Variants in UBE2D3 observed in about 807,000 individuals in gnomAD.
The protein encoded by UBE2D3 is ubiquitin-conjugating enzyme E2 D3.
UBE2D3 carries 2 observed loss-of-function variants against 22.8 expected under a neutral mutation model. That is an observed-to-expected ratio of 0.09 (90% CI 0.04 to 0.28). UBE2D3 has a LOEUF of 0.28. Ranked by LOEUF, UBE2D3 falls within the 10% of genes least tolerant of loss-of-function variation. The probability of loss-of-function intolerance (pLI) is 1.00; values close to 1 mark genes in which losing one functional copy is unlikely to be tolerated. For missense variants in UBE2D3, 27 were observed against 182.5 expected (o/e 0.15, Z 4.91); for synonymous variants, 56 against 60.4 (o/e 0.93, Z 0.34).
chr4:102,836,335 C>CG (rs1267038677), intron 1 of UBE2D3, among the ~76,000 whole-genome samples: 1 of 151,572 alleles, frequency 6.6e-6, no homozygotes, highest in Non-Finnish European at 1.5e-5. Flanking sequence ...TTAGTAGAGA[C>CG]GGGGTTTCAC....
intron 4 of UBE2D3, 192 bp from the exon 5 acceptor site, chr4:102,802,830 A>G (rs1726414451): frequency 2.6e-6 from 1 of 388,006 alleles, no homozygotes; most frequent in Non-Finnish European, 4.6e-6. Context: ...AATAAACCCT[A>G]ATTTATCTAG....
At chr4:102,864,537 CGATAAT>C (rs1733057757) in intron 1 of UBE2D3, among the ~76,000 whole-genome samples, 1 of 151,978 alleles carries the variant, frequency 6.6e-6, no homozygotes, top group Non-Finnish European at 1.5e-5. Flanking sequence ...ATGGTAAAGA[CGATAAT>C]GATAATAACC....
intron 1 of UBE2D3, among the ~76,000 whole-genome samples, chr4:102,848,506 G>C (rs147194018): frequency 6.6e-6 from 1 of 152,080 alleles, no homozygotes; most frequent in Non-Finnish European, 1.5e-5. Flanking sequence ...TTAGCTGGGC[G>C]TGGTGGTGGG....
intron 1 of UBE2D3, among the ~76,000 whole-genome samples, chr4:102,840,628 A>G (rs973596222): frequency 6.6e-6 from 1 of 152,148 alleles, no homozygotes; most frequent in African/African-American, 2.4e-5. Context: ...ATACAGTGAG[A>G]TATGGAACAA....
chr4:102,803,553 A>G (rs553243464), intron 4 of UBE2D3, among the ~76,000 whole-genome samples: 3 of 152,340 alleles, frequency 2.0e-5, no homozygotes, highest in African/African-American at 7.2e-5. Context: ...CATTAATTCA[A>G]TTAATCTAAC....
rs536532153 is a variant in UBE2D3 at position 102,854,525 on chromosome 4, G to T, written c.-129+14190C>A. Among the ~76,000 whole-genome samples, 28 of 152,222 alleles carry T rather than the reference G, an allele frequency of 1.8e-4. No individual in the cohort carries two copies. In the East Asian group the frequency reaches 5.0e-3, roughly 27 times the overall value. On this transcript the variant is annotated intron_variant, in intron 1 of 7. Transcript: ENST00000338145. Reference sequence around the variant, plus strand: ...ATGTTAAAGATTGTTTTATCTTTTTGGAGAATTTACCTCTATACTTACGTA... The same window carrying T: ...ATGTTAAAGATTGTTTTATCTTTTTTGAGAATTTACCTCTATACTTACGTA...
At chr4:102,847,322 G>C (rs150209711) in intron 1 of UBE2D3, among the ~76,000 whole-genome samples, 1 of 151,996 alleles carries the variant, frequency 6.6e-6, no homozygotes, top group Non-Finnish European at 1.5e-5. Context: ...GTCTCACTCC[G>C]TCGCCCAGGC....
intron 2 of UBE2D3, among the ~76,000 whole-genome samples, chr4:102,819,325 G>C (rs949913536): frequency 1.5e-5 from 2 of 134,026 alleles, no homozygotes; most frequent in Non-Finnish European, 3.1e-5. Flanking sequence ...CCAAGACTCC[G>C]CCTCAAAAAA....
intron 2 of UBE2D3, among the ~76,000 whole-genome samples, chr4:102,814,454 ATTC>A (rs1437526277): frequency 1.1e-4 from 12 of 107,078 alleles, no homozygotes; most frequent in African/African-American, 5.1e-4. Context: ...ACACCTGGCT[ATTC>A]TTTTTTTTTT....
chr4:102,811,815 G>C (rs561350441), intron 2 of UBE2D3: 33 of 438,096 alleles, frequency 7.5e-5, no homozygotes, highest in Non-Finnish European at 1.4e-4. Flanking sequence ...GCAGGAGTTC[G>C]AGACCAGCTT....
chr4:102,817,378 A>G (rs1038455038), intron 2 of UBE2D3, among the ~76,000 whole-genome samples: 26 of 152,140 alleles, frequency 1.7e-4, no homozygotes, highest in African/African-American at 5.6e-4. Flanking sequence ...GTTTAACTGT[A>G]CTCTTATAAC....
In UBE2D3 at chr4:102,798,880, T is replaced by C. The variant is rs193152685; in HGVS notation, c.398+527A>G. On this transcript the variant is annotated intron_variant, in intron 7 of 7. Coordinates refer to ENST00000453744, the MANE Select transcript of UBE2D3 (RefSeq NM_181891.3). ...TGCCTTAACGCATGCAGCACTCAAG[T>C]GCTGGCAGTACCATAATAAGCGCAC... is the stretch of plus-strand genomic sequence containing the variant. The C allele has an allele frequency of 9.8e-4, 1,553 of 1,584,334 alleles. 3 individuals are homozygous for C. The highest frequency in any genetic ancestry group is 5.2e-3 in the Middle Eastern group (31 of 5,994).
At chr4:102,821,320 A>G (rs1192524917) in intron 2 of UBE2D3, among the ~76,000 whole-genome samples, 1 of 152,170 alleles carries the variant, frequency 6.6e-6, no homozygotes, top group African/African-American at 2.4e-5. Context: ...TACCTCCCCT[A>G]CTAGATCTAA....
chr4:102,801,420 A>AATGAGAACAGCTTAT, intron 6 of UBE2D3, 34 bp downstream of exon 6: 1 of 1,554,024 alleles, frequency 6.4e-7, no homozygotes, highest in South Asian at 1.1e-5. Context: ...TTTATTAGAC[A>AATGAGAACAGCTTAT]ATGAGAACAG....
At chr4:102,845,940 A>C (rs1374490306) in intron 1 of UBE2D3, among the ~76,000 whole-genome samples, 4 of 151,962 alleles carry the variant, frequency 2.6e-5, no homozygotes, top group Non-Finnish European at 5.9e-5. Flanking sequence ...ACAGGCATGC[A>C]CCATCACACC....
intron 1 of UBE2D3, among the ~76,000 whole-genome samples, chr4:102,851,260 A>C (rs1437292551): frequency 6.6e-6 from 1 of 152,208 alleles, no homozygotes; most frequent in Non-Finnish European, 1.5e-5. Flanking sequence ...TGCTTTGACC[A>C]CAGAATGCAA....
chr4:102,853,033 C>T (rs1732438515), intron 1 of UBE2D3, among the ~76,000 whole-genome samples: 2 of 150,322 alleles, frequency 1.3e-5, no homozygotes, highest in African/African-American at 2.4e-5. Context: ...GTTTGAATAA[C>T]ATACTCTAAT....
chr4:102,802,160 T>C (rs1047847165), intron 5 of UBE2D3: 39 of 157,190 alleles, frequency 2.5e-4, no homozygotes, highest in African/African-American at 9.1e-4. Context: ...TAAGCAACTC[T>C]AAGTTTTCAC....
chr4:102,809,826 T>C lies in UBE2D3; in HGVS notation c.54A>G (p.Pro18=). Residue 18 remains proline, a synonymous_variant, in exon 3 of 8, where the codon CCA becomes CCG. Transcript: ENST00000453744. ...KELSDLARDP[P]AQCSAGPVGD... The stretch of plus-strand genomic sequence containing the variant: ...CAACTGGACCTGCAGAACATTGTGC[T>C]GGAGGGTCACGGGCCAAATCACTAA... 6.2e-7 allele frequency: 1 copy of C among 1,613,934 alleles called. No homozygotes were observed. Among genetic ancestry groups the C allele is most frequent in the Non-Finnish European group, 8.5e-7 (1 of 1,180,004 alleles).
Sources: gnomAD v4.1 joint callset for allele counts (sites outside exome capture counted in the v4.1 genomes callset) on GRCh38, gnomAD v4.1.1 for gene constraint, MANE v1.5 for transcripts, NCBI Gene and HGNC (gene_info 2026-07-23, HGNC 2026-07-21) for gene names.